Variants in UNC5D observed in about 807,000 individuals in gnomAD.
UNC5D encodes unc-5 netrin receptor D.
In UNC5D, 39 loss-of-function variants were observed where a neutral mutation model predicts 105.4. The ratio of observed to expected loss-of-function variants is 0.37; its 90% confidence interval spans 0.29 to 0.48. The LOEUF (loss-of-function observed/expected upper bound fraction) is 0.48, where lower values mean the gene tolerates loss of function less well. Ranked by LOEUF, UNC5D falls within the 20% of genes least tolerant of loss-of-function variation. The pLI is 0.98. For synonymous variants in UNC5D, 452 were observed against 450.4 expected (o/e 1.00, Z -0.04); for missense variants, 991 against 1,202.4 (o/e 0.82, Z 2.60).
chr8:35,533,342 T>C (rs1037799947), intron 1 of UNC5D, among the ~76,000 whole-genome samples: 2 of 152,032 alleles, frequency 1.3e-5, no homozygotes, highest in African/African-American at 4.8e-5. Context: ...GGGGGGTGCC[T>C]CCCAGTTAGG....
intron 2 of UNC5D, among the ~76,000 whole-genome samples, chr8:35,560,655 T>A (rs1816891845): frequency 6.6e-6 from 1 of 152,214 alleles, no homozygotes. Context: ...GATGGTTTGA[T>A]AAAACTGAAG....
intron 1 of UNC5D, among the ~76,000 whole-genome samples, chr8:35,287,908 G>T (rs1405690595): frequency 6.6e-6 from 1 of 152,004 alleles, no homozygotes; most frequent in Non-Finnish European, 1.5e-5. Context: ...TGAAATTATC[G>T]AATCAAAGCA....
chr8:35,293,509 A>G (rs927871682), intron 1 of UNC5D, among the ~76,000 whole-genome samples: 1 of 152,140 alleles, frequency 6.6e-6, no homozygotes, highest in African/African-American at 2.4e-5. Flanking sequence ...CCATCAAGTC[A>G]TCTTCCATCA....
rs139315922 is a variant in UNC5D, at chr8:35,354,852, C to T, written c.103+118965C>T. Reference sequence around the variant, plus strand: ...AGACCCACTTGTAAGATGTCGTCTTCACTCACATGTGCAGCACCTTGATTC... The same window carrying T: ...AGACCCACTTGTAAGATGTCGTCTTTACTCACATGTGCAGCACCTTGATTC... On this transcript the variant is annotated intron_variant, in intron 1 of 16. Transcript: ENST00000404895. 8.9e-3 allele frequency among the ~76,000 whole-genome samples: 1,353 copies of T among 152,256 alleles called. 15 individuals carry two copies. The highest frequency in any genetic ancestry group is 0.012 in the Non-Finnish European group (813 of 68,012).
chr8:35,646,982 C>A (rs556648636), intron 4 of UNC5D, among the ~76,000 whole-genome samples: 2 of 152,158 alleles, frequency 1.3e-5, no homozygotes, highest in East Asian at 1.9e-4. Context: ...CATTTGTTAA[C>A]CAATAATTGT....
chr8:35,338,325 C>A (rs914325331), intron 1 of UNC5D, among the ~76,000 whole-genome samples: 1 of 152,050 alleles, frequency 6.6e-6, no homozygotes, highest in South Asian at 2.1e-4. Context: ...TAATAACAAT[C>A]GAGAAATGTG....
At chr8:35,545,259 A>C (rs1186712696) in intron 1 of UNC5D, among the ~76,000 whole-genome samples, 1 of 152,206 alleles carries the variant, frequency 6.6e-6, no homozygotes, top group Admixed American at 6.5e-5. Flanking sequence ...AAAGAATAGA[A>C]TCTGTCAGCA....
intron 4 of UNC5D, among the ~76,000 whole-genome samples, chr8:35,603,721 G>A (rs1469304542): frequency 6.6e-6 from 1 of 152,138 alleles, no homozygotes; most frequent in Non-Finnish European, 1.5e-5. Context: ...ATGAATCTGG[G>A]TGCTCCTGTA....
chr8:35,726,625 C>T (rs1402278932), intron 10 of UNC5D, 96 bp downstream of exon 10: 2 of 1,531,440 alleles, frequency 1.3e-6, no homozygotes, highest in Non-Finnish European at 1.8e-6. Flanking sequence ...GATGTTTACT[C>T]TCCCCTCATC....
At chr8:35,650,676 T>A (rs533998278) in intron 4 of UNC5D, among the ~76,000 whole-genome samples, 3 of 152,140 alleles carry the variant, frequency 2.0e-5, no homozygotes, top group Admixed American at 2.0e-4. Flanking sequence ...TTTGCTATAT[T>A]TGCCAGGCTG....
In UNC5D at chr8:35,472,929, A is replaced by G. The variant is rs532099190; in HGVS notation, c.104-76363A>G. ...ATGTTGGATTTTCCACAGGTGGTCAATGACACCAGGTGGGAGTAACAAAAA... is the reference window on the plus strand; with the variant it reads ...ATGTTGGATTTTCCACAGGTGGTCAGTGACACCAGGTGGGAGTAACAAAAA... On this transcript the variant is annotated intron_variant, in intron 1 of 16. Coordinates refer to ENST00000404895, the MANE Select transcript of UNC5D (RefSeq NM_080872.4). 5.3e-5 allele frequency among the ~76,000 whole-genome samples: 8 copies of G among 152,346 alleles called. No homozygotes were observed. The South Asian group carries it at 1.4e-3, about 28-fold the overall frequency.
intron 2 of UNC5D, among the ~76,000 whole-genome samples, chr8:35,558,913 T>C (rs1176157956): frequency 1.3e-5 from 2 of 151,692 alleles, no homozygotes; most frequent in Admixed American, 6.6e-5. Context: ...AACTGAAAGG[T>C]GGAGGTTGCA....
chr8:35,675,330 T>A (rs1431644615), intron 4 of UNC5D, among the ~76,000 whole-genome samples: 1 of 152,196 alleles, frequency 6.6e-6, no homozygotes, highest in Non-Finnish European at 1.5e-5. Context: ...TAAATCTGCA[T>A]GGACAGCAAT....
At chr8:35,704,177 CCTTT>C (rs1221065975) in intron 7 of UNC5D, among the ~76,000 whole-genome samples, 3 of 152,158 alleles carry the variant, frequency 2.0e-5, no homozygotes, top group African/African-American at 7.2e-5. Context: ...TCTTACTTTG[CCTTT>C]CTATTTTAAA....
At chr8:35,603,568 G>C (rs1373947264) in intron 4 of UNC5D, among the ~76,000 whole-genome samples, 1 of 152,080 alleles carries the variant, frequency 6.6e-6, no homozygotes, top group East Asian at 1.9e-4. Flanking sequence ...TCCACTTGGT[G>C]CAGAGCTGAG....
intron 1 of UNC5D, among the ~76,000 whole-genome samples, chr8:35,322,762 G>C (rs1809847662): frequency 6.6e-6 from 1 of 152,124 alleles, no homozygotes. Flanking sequence ...TCCTAATCAT[G>C]GCACAAGGTT....
intron 11 of UNC5D, among the ~76,000 whole-genome samples, chr8:35,738,630 A>C (rs889943593): frequency 3.3e-5 from 5 of 152,202 alleles, no homozygotes; most frequent in Non-Finnish European, 5.9e-5. Context: ...CTTTGAGTCT[A>C]TCTCTGTTTC....
intron 1 of UNC5D, among the ~76,000 whole-genome samples, chr8:35,381,907 G>A (rs1301013379): frequency 1.3e-5 from 2 of 152,088 alleles, no homozygotes; most frequent in Non-Finnish European, 2.9e-5. Context: ...TTGTGCCAGT[G>A]ATTTCATTTC....
intron 9 of UNC5D, among the ~76,000 whole-genome samples, chr8:35,725,732 T>G (rs533239160): frequency 6.6e-6 from 1 of 152,300 alleles, no homozygotes; most frequent in African/African-American, 2.4e-5. Flanking sequence ...CTCTTGCCAT[T>G]TAAAATGAAC....
Sources: gnomAD v4.1 joint callset for allele counts (sites outside exome capture counted in the v4.1 genomes callset) on GRCh38, gnomAD v4.1.1 for gene constraint, MANE v1.5 for transcripts, NCBI Gene and HGNC (gene_info 2026-07-23, HGNC 2026-07-21) for gene names.